The following MPPED2 variants were observed in gnomAD, a reference collection of about 807,000 sequenced individuals.
The protein encoded by MPPED2 is metallophosphoesterase MPPED2.
A neutral mutation model predicts 33.0 loss-of-function variants in MPPED2; 5 were observed. That is an observed-to-expected ratio of 0.15 (90% confidence interval 0.08 to 0.32). The LOEUF (loss-of-function observed/expected upper bound fraction) is 0.32, where lower values mean the gene tolerates loss of function less well. MPPED2 is among the 10% of genes least tolerant of loss of function. The pLI, the probability that MPPED2 is intolerant of heterozygous loss-of-function variation, is 1.00. For missense variants in MPPED2, 275 were observed against 372.1 expected (o/e 0.74, Z 2.15); for synonymous variants, 136 against 141.9 (o/e 0.96, Z 0.29).
intron 3 of MPPED2, among the ~76,000 whole-genome samples, chr11:30,503,738 C>T (rs1448481036): frequency 6.6e-6 from 1 of 152,168 alleles, no homozygotes; most frequent in Non-Finnish European, 1.5e-5. Context: ...CTCTATTCTC[C>T]CATATTATAG....
chr11:30,530,431 T>C (rs1954457120), intron 3 of MPPED2, among the ~76,000 whole-genome samples: 1 of 152,202 alleles, frequency 6.6e-6, no homozygotes, highest in Non-Finnish European at 1.5e-5. Flanking sequence ...CACACTGCTG[T>C]CTGGTAGGGC....
intron 3 of MPPED2, among the ~76,000 whole-genome samples, chr11:30,518,091 G>C (rs933115299): frequency 1.3e-5 from 2 of 152,116 alleles, no homozygotes; most frequent in Admixed American, 1.3e-4. Flanking sequence ...TACTACAAGA[G>C]TTTATGGTAG....
chr11:30,462,183 A>G (rs1950539009), intron 4 of MPPED2, among the ~76,000 whole-genome samples: 1 of 152,218 alleles, frequency 6.6e-6, no homozygotes, highest in South Asian at 2.1e-4. Flanking sequence ...GTTCTTCATT[A>G]CCTCCTGCTT....
chr11:30,480,108 G>GCGC (rs1951412607), intron 4 of MPPED2, among the ~76,000 whole-genome samples: 1 of 152,126 alleles, frequency 6.6e-6, no homozygotes, highest in South Asian at 2.1e-4. Context: ...GGACAAAACA[G>GCGC]CGCCTAATGA....
chr11:30,521,096 C>A (rs189124022), intron 3 of MPPED2, among the ~76,000 whole-genome samples: 268 of 152,152 alleles, frequency 1.8e-3, no homozygotes, highest in African/African-American at 6.1e-3. Flanking sequence ...ACTGGGGCTA[C>A]TAGGAGGAAT....
intron 2 of MPPED2, among the ~76,000 whole-genome samples, chr11:30,546,016 C>T (rs900437016): frequency 2.0e-5 from 3 of 152,276 alleles, no homozygotes; most frequent in East Asian, 1.9e-4. Context: ...TCTGCCACCA[C>T]GCCATGTTGG....
intron 6 of MPPED2, among the ~76,000 whole-genome samples, chr11:30,412,373 A>G (rs1161227538): frequency 6.6e-6 from 1 of 151,940 alleles, no homozygotes; most frequent in Non-Finnish European, 1.5e-5. Flanking sequence ...AATGTTTAGC[A>G]TGTTTGCAAG....
intron 2 of MPPED2, among the ~76,000 whole-genome samples, chr11:30,567,525 A>G (rs2134776708): frequency 6.6e-6 from 1 of 152,092 alleles, no homozygotes; most frequent in South Asian, 2.1e-4. Flanking sequence ...TCCTCCCTCC[A>G]GTTTCTTATT....
intron 4 of MPPED2, among the ~76,000 whole-genome samples, chr11:30,434,076 A>C (rs1949210093): frequency 6.6e-6 from 1 of 152,158 alleles, no homozygotes; most frequent in Non-Finnish European, 1.5e-5. Flanking sequence ...GTGGGGACCC[A>C]TGTGATTACA....
At chr11:30,503,837 CAG>C (rs1475853543) in intron 3 of MPPED2, among the ~76,000 whole-genome samples, 4 of 151,998 alleles carry the variant, frequency 2.6e-5, no homozygotes, top group African/African-American at 4.8e-5. Flanking sequence ...GGAAAAACAA[CAG>C]AGATGACAGG....
intron 1 of MPPED2, among the ~76,000 whole-genome samples, chr11:30,585,777 T>C (rs917859127): frequency 2.2e-4 from 33 of 151,876 alleles, no homozygotes; most frequent in Non-Finnish European, 1.8e-4. Context: ...TAAAAAAGAA[T>C]TTGCTTTCGC....
chr11:30,553,559 C>T (rs1310297906), intron 2 of MPPED2, among the ~76,000 whole-genome samples: 1 of 152,170 alleles, frequency 6.6e-6, no homozygotes, highest in African/African-American at 2.4e-5. Context: ...TACAAAAGAG[C>T]ATTTTTGCAC....
chr11:30,420,345 A>G (rs537807040), intron 4 of MPPED2, among the ~76,000 whole-genome samples: 2 of 152,334 alleles, frequency 1.3e-5, no homozygotes, highest in Non-Finnish European at 2.9e-5. Context: ...AAAAGTTACG[A>G]AAAACCCAGA....
chr11:30,386,920 T>G (rs1219218308), exon 7 of MPPED2: 2 of 395,786 alleles, frequency 5.1e-6, no homozygotes, highest in African/African-American at 4.1e-5. Context: ...GCATTGCACT[T>G]GCCTCATATA....
At chr11:30,506,804 T>C (rs1022912937) in intron 3 of MPPED2, among the ~76,000 whole-genome samples, 1 of 152,242 alleles carries the variant, frequency 6.6e-6, no homozygotes, top group Non-Finnish European at 1.5e-5. Flanking sequence ...ATAACTACTG[T>C]CATTTTTGCA....
intron 2 of MPPED2, among the ~76,000 whole-genome samples, chr11:30,542,724 A>G (rs976250151): frequency 6.6e-6 from 1 of 152,140 alleles, no homozygotes; most frequent in Admixed American, 6.5e-5. Context: ...TATTAATACT[A>G]ATGATACATA....
chr11:30,483,881 T>C lies in MPPED2; in HGVS notation c.536+11415A>G, dbSNP rs58156330. Among the ~76,000 whole-genome samples the C allele has an allele frequency of 2.9e-3, 449 of 152,230 alleles. 2 individuals carry two copies. The highest frequency in any genetic ancestry group is 0.01 in the African/African-American group (436 of 41,544). On this transcript the variant is annotated intron_variant, in intron 4 of 6. Coordinates refer to ENST00000358117, the MANE Select transcript of MPPED2 (RefSeq NM_001584.3). ...CCAGAAATTCAGTACATATGGTAGC[T>C]TGAAATGTAGAGAGAAAAACAATAA...
intron 3 of MPPED2, among the ~76,000 whole-genome samples, chr11:30,530,262 A>C (rs1440904300): frequency 6.6e-6 from 1 of 152,192 alleles, no homozygotes; most frequent in Admixed American, 6.5e-5. Flanking sequence ...GGCACTATAC[A>C]TACATAATTT....
At chr11:30,454,224 A>T (rs113428773) in intron 4 of MPPED2, among the ~76,000 whole-genome samples, 24 of 152,316 alleles carry the variant, frequency 1.6e-4, no homozygotes, top group African/African-American at 5.8e-4. Flanking sequence ...CTGCTCTTAC[A>T]GCCTCATTAA....
Sources: gnomAD v4.1 joint callset for allele counts (sites outside exome capture counted in the v4.1 genomes callset) on GRCh38, gnomAD v4.1.1 for gene constraint, MANE v1.5 for transcripts, NCBI Gene and HGNC (gene_info 2026-07-23, HGNC 2026-07-21) for gene names.